Variants in SFSWAP observed in about 807,000 individuals in gnomAD.
SFSWAP encodes splicing factor SWAP, also known as splicing factor, suppressor of white-apricot homolog.
Under a neutral mutation model 100.7 loss-of-function variants are expected in SFSWAP, and 17 were observed. The ratio of observed to expected loss-of-function variants is 0.17; its 90% CI spans 0.12 to 0.25. The LOEUF (loss-of-function observed/expected upper bound fraction) is 0.25, where lower values mean the gene tolerates loss of function less well. Among genes scored for constraint, SFSWAP ranks in the 10% least tolerant of loss-of-function variants. The pLI, the probability that SFSWAP is intolerant of heterozygous loss-of-function variation, is 1.00. For missense variants in SFSWAP, 1,005 were observed against 1,262.6 expected (o/e 0.80, Z 3.09); for synonymous variants, 504 against 510.1 (o/e 0.99, Z 0.16).
At chr12:131,718,788 G>T (rs1030318504) in intron 3 of SFSWAP, among the ~76,000 whole-genome samples, 1 of 152,194 alleles carries the variant, frequency 6.6e-6, no homozygotes, top group Non-Finnish European at 1.5e-5. Flanking sequence ...CAGCGGAGGG[G>T]AAAAGGAACA....
At chr12:131,751,233 G>A (rs1881595362) in intron 7 of SFSWAP, among the ~76,000 whole-genome samples, 1 of 152,232 alleles carries the variant, frequency 6.6e-6, no homozygotes, top group South Asian at 2.1e-4. Flanking sequence ...GCAGGTATCA[G>A]GTTGGAGCTG....
In SFSWAP at chr12:131,799,175, C is replaced by A; in HGVS notation, c.2790+66C>A. 2.3e-6 allele frequency: 3 copies of A among 1,327,048 alleles called. No homozygotes were observed. In the South Asian group the frequency reaches 3.6e-5, roughly 16 times the overall value. The allele number at this position is 1,327,048 out of a possible 1,614,324, so 82.2% of individuals were successfully genotyped here. ...AAGGGGCCTCGTGGTTTCTCTGTTGCTAATTTTCATTCCCTGTCCCTCCTG... is the reference window on the plus strand; with the variant it reads ...AAGGGGCCTCGTGGTTTCTCTGTTGATAATTTTCATTCCCTGTCCCTCCTG... On this transcript the variant is annotated intron_variant, in intron 17 of 17. Transcript: ENST00000261674.
rs1879197078 is a variant in SFSWAP at position 131,728,428 on chromosome 12, T to C, written c.1081T>C (p.Ser361Pro). The change falls in exon 7 of 18, where the codon TCG becomes CCG. Residue 361 changes from serine (S) to proline (P), a missense_variant and splice_region_variant. Ser to Pro is a moderately conservative substitution (Grantham distance 74). Transcript: ENST00000261674. ...CTCCCAGGTGGAGTACACGGCAGAC[T>C]GTGAGTACTCACTGTGTATGTCCTG... ...QPSQVEYTAD[S>P]TVAAMYYSYY... 1 of 1,614,084 alleles carries C rather than the reference T, an allele frequency of 6.2e-7. No homozygotes were observed. The highest frequency in any genetic ancestry group is 8.5e-7 in the Non-Finnish European group (1 of 1,179,926).
chr12:131,777,804 G>C (rs1481913007), intron 13 of SFSWAP, among the ~76,000 whole-genome samples: 15 of 152,128 alleles, frequency 9.9e-5, no homozygotes, highest in Admixed American at 9.8e-4. Context: ...TGCTCCTCTT[G>C]TTGGCTCCGG....
chr12:131,747,083 A>G (rs370877855), intron 7 of SFSWAP, among the ~76,000 whole-genome samples: 253 of 148,790 alleles, frequency 1.7e-3, no homozygotes, highest in Middle Eastern at 3.5e-3. Flanking sequence ...CAGCCTGGGC[A>G]ACAGAGCGAG....
At chr12:131,772,295 C>G (rs574720612) in intron 13 of SFSWAP, among the ~76,000 whole-genome samples, 2 of 152,124 alleles carry the variant, frequency 1.3e-5, no homozygotes, top group Non-Finnish European at 2.9e-5. Flanking sequence ...TGTTCAGTCC[C>G]GTTGATCGTT....
Position 131,794,551 on chromosome 12 carries a change from C to T in SFSWAP, c.2535-2627C>T, listed in dbSNP as rs1232740002. Reference sequence around the variant, plus strand: ...AACTGAGAAACAAACAACAGAAAACCAAGAAGCCAAACCAACAAACAAACA... The same window carrying T: ...AACTGAGAAACAAACAACAGAAAACTAAGAAGCCAAACCAACAAACAAACA... On this transcript the variant is annotated intron_variant, in intron 15 of 17. Transcript: ENST00000261674. This position sits in a 1 kb window ranked among gnomAD's most constrained non-coding sequence, Gnocchi z 4.8. Among the ~76,000 whole-genome samples the T allele has an allele frequency of 6.6e-6, 1 of 152,124 alleles. No homozygotes were observed. The highest frequency in any genetic ancestry group is 6.6e-5 in the Admixed American group (1 of 15,264).
intron 8 of SFSWAP, among the ~76,000 whole-genome samples, chr12:131,753,789 G>T (rs1881888149): frequency 6.6e-6 from 1 of 152,150 alleles, no homozygotes; most frequent in Admixed American, 6.5e-5. Flanking sequence ...GCCACCAGGG[G>T]ACCCTGGCAG....
At chr12:131,750,366 T>G (rs1881511744) in intron 7 of SFSWAP, among the ~76,000 whole-genome samples, 1 of 152,254 alleles carries the variant, frequency 6.6e-6, no homozygotes, top group Non-Finnish European at 1.5e-5. Flanking sequence ...CATACTTTAT[T>G]TCTCTTGGAG....
Position 131,711,746 on chromosome 12 carries a change from C to T in SFSWAP, c.218+299C>T. 1.1e-5 allele frequency: 4 copies of T among 380,542 alleles called. No individual in the cohort carries two copies. In the South Asian group the frequency reaches 1.3e-4, roughly 12 times the overall value. 23.6% of individuals were successfully genotyped at this position (380,542 alleles called of 1,614,324 possible). On this transcript the variant is annotated intron_variant, in intron 1 of 17. Transcript: ENST00000261674. The surrounding 1 kb of genome is among the most constrained non-coding windows in gnomAD (Gnocchi z 4.9). ...CTGGGCTGCAGTTGGCGATTCCGCG[C>T]GGTGAAAGCAGCCAGTGCCCAGGGT...
chr12:131,772,343 A>AT (rs992041634), intron 13 of SFSWAP, among the ~76,000 whole-genome samples: 44 of 152,342 alleles, frequency 2.9e-4, no homozygotes, highest in Admixed American at 2.8e-3. Flanking sequence ...ACAGTTGTAA[A>AT]TGATGTCCTA....
At chr12:131,787,325 G>A (rs958960182) in intron 15 of SFSWAP, among the ~76,000 whole-genome samples, 4 of 152,168 alleles carry the variant, frequency 2.6e-5, no homozygotes, top group South Asian at 2.1e-4. Context: ...AGCTGTGGAC[G>A]GCCACCTCCA....
Position 131,714,996 on chromosome 12 carries a change from T to A in SFSWAP, c.520+43T>A. On this transcript the variant is annotated intron_variant, in intron 3 of 17. Coordinates refer to ENST00000261674, the MANE Select transcript of SFSWAP (RefSeq NM_004592.4). This position sits in a 1 kb window ranked among gnomAD's most constrained non-coding sequence, Gnocchi z 6.0. Reference sequence around the variant, plus strand: ...TGGACTGCTGGTGTAGGGCTACACGTGTACGCACAGGCTGCATGCACCGTG... The same window carrying A: ...TGGACTGCTGGTGTAGGGCTACACGAGTACGCACAGGCTGCATGCACCGTG... 6.2e-7 allele frequency: 1 copy of A among 1,608,298 alleles called. No homozygotes were observed. Among genetic ancestry groups the A allele is most frequent in the Non-Finnish European group, 8.5e-7 (1 of 1,176,234 alleles).
chr12:131,779,654 CT>C (rs1884340267), intron 14 of SFSWAP, among the ~76,000 whole-genome samples: 1 of 152,164 alleles, frequency 6.6e-6, no homozygotes, highest in Non-Finnish European at 1.5e-5. Context: ...GGTGTTAGCT[CT>C]TATGTTTCTG....
rs752143087 is a variant in SFSWAP at position 131,754,401 on chromosome 12, G to GC, written c.1362dup (p.Asp455ArgfsTer7). 2 of 1,563,708 alleles carry GC rather than the reference G, an allele frequency of 1.3e-6. No homozygotes were observed. Among genetic ancestry groups the GC allele is most frequent in the Non-Finnish European group, 1.7e-6 (2 of 1,153,040 alleles). ...CCCCCGTGGCCGCCATCATCCCCCC[G>GC]CCCCCCGACGTCCAGCCCGTGATTG... On this transcript the variant is annotated frameshift_variant, in exon 9 of 18. Transcript: ENST00000261674. LOFTEE classifies it high-confidence loss of function.
intron 13 of SFSWAP, among the ~76,000 whole-genome samples, chr12:131,768,521 A>G (rs1186314900): frequency 6.6e-6 from 1 of 152,176 alleles, no homozygotes; most frequent in Non-Finnish European, 1.5e-5. Context: ...CTGACGGGCA[A>G]GGAGGGGAGA....
chr12:131,781,480 A>G (rs527827920), intron 14 of SFSWAP, among the ~76,000 whole-genome samples: 3,558 of 150,720 alleles, frequency 0.024, 136 homozygotes, highest in African/African-American at 0.079. Context: ...CTCATGATCC[A>G]CCCGCCTCGG....
intron 7 of SFSWAP, among the ~76,000 whole-genome samples, chr12:131,746,171 A>C (rs1463600102): frequency 6.6e-6 from 1 of 152,248 alleles, no homozygotes; most frequent in Non-Finnish European, 1.5e-5. Context: ...CATGCACATC[A>C]TCTTTGCAGT....
At chr12:131,758,990 G>A (rs1882420551) in intron 11 of SFSWAP, among the ~76,000 whole-genome samples, 1 of 152,188 alleles carries the variant, frequency 6.6e-6, no homozygotes, top group Admixed American at 6.5e-5. Context: ...GGGAGGCTAA[G>A]GTGGGAGGAT....
Sources: allele counts gnomAD v4.1 joint callset (sites outside exome capture counted in the v4.1 genomes callset), GRCh38; gene constraint gnomAD v4.1.1; non-coding constraint Gnocchi (gnomAD v3.1); transcripts MANE v1.5; gene names NCBI Gene and HGNC (gene_info 2026-07-23, HGNC 2026-07-21).